Variants in DMD observed in about 807,000 individuals in gnomAD.
DMD encodes the protein dystrophin.
In DMD, 63 loss-of-function variants were observed where a neutral mutation model predicts 330.1. That is an observed-to-expected ratio of 0.19 (90% CI 0.16 to 0.24). The LOEUF (loss-of-function observed/expected upper bound fraction) is 0.24, where lower values mean the gene tolerates loss of function less well. Ranked by LOEUF, DMD falls within the 10% of genes least tolerant of loss-of-function variation. The pLI, the probability that DMD is intolerant of heterozygous loss-of-function variation, is 1.00. For synonymous variants in DMD, 1,223 were observed against 959.8 expected (o/e 1.27, Z -5.07); for missense variants, 3,344 against 2,684.1 (o/e 1.25, Z -5.43).
intron 37 of DMD, among the ~76,000 whole-genome samples, chrX:32,358,388 G>C (rs1008517998): frequency 1.5e-4 from 17 of 111,175 alleles, no homozygotes; most frequent in African/African-American, 5.6e-4. Flanking sequence ...CTAAAACAGA[G>C]ACAGTTGAGA....
rs144866290 is a variant in DMD, at chrX:32,720,903, C to T, written c.650-21610G>A. ...CACCCTCACTACTCCTGGTAATCACCATTCTACTGTCTATGTATTCAACTT... is the reference window on the plus strand; with the variant it reads ...CACCCTCACTACTCCTGGTAATCACTATTCTACTGTCTATGTATTCAACTT... On this transcript the variant is annotated intron_variant, in intron 7 of 78. Transcript: ENST00000357033. Among the ~76,000 whole-genome samples the T allele has an allele frequency of 2.0e-3, 221 of 111,649 alleles. 2 individuals carry two copies. Among genetic ancestry groups the T allele is most frequent in the East Asian group, 0.018 (63 of 3,572 alleles).
chrX:32,820,139 A>G (rs1474568885), intron 5 of DMD, among the ~76,000 whole-genome samples: 1 of 112,265 alleles, frequency 8.9e-6, no homozygotes, highest in Non-Finnish European at 1.9e-5. Context: ...GCGCCTCCAC[A>G]TGCTAATAAT....
chrX:32,859,108 A>G (rs969545025), intron 2 of DMD, among the ~76,000 whole-genome samples: 1 of 111,448 alleles, frequency 9.0e-6, no homozygotes, highest in African/African-American at 3.3e-5. Flanking sequence ...ATATAGATTG[A>G]TTTTTATGTT....
At chrX:32,871,818 G>A (rs770027689) in intron 2 of DMD, among the ~76,000 whole-genome samples, 30 of 111,219 alleles carry the variant, frequency 2.7e-4, no homozygotes, top group Middle Eastern at 4.2e-3. Context: ...TATAGGTTTA[G>A]AAGAATTCCA....
intron 17 of DMD, among the ~76,000 whole-genome samples, chrX:32,521,988 C>G (rs73453747): frequency 6.3e-5 from 7 of 111,575 alleles, no homozygotes; most frequent in African/African-American, 9.8e-5. Flanking sequence ...CAAGTATGAA[C>G]CAGGAAGCCT....
At chrX:32,736,959 G>C (rs1364048066) in intron 7 of DMD, among the ~76,000 whole-genome samples, 1 of 109,936 alleles carries the variant, frequency 9.1e-6, no homozygotes, top group African/African-American at 3.3e-5. Flanking sequence ...AAACCAAAAT[G>C]TTTGTTAAAA....
intron 67 of DMD, among the ~76,000 whole-genome samples, chrX:31,193,156 C>T (rs1435629969): frequency 9.0e-6 from 1 of 111,727 alleles, no homozygotes; most frequent in African/African-American, 3.3e-5. Context: ...AAAAAAGAAA[C>T]AAAACTCTAT....
chrX:32,482,901 T>C (rs1030936662), intron 21 of DMD, among the ~76,000 whole-genome samples: 5 of 108,704 alleles, frequency 4.6e-5, no homozygotes, highest in Non-Finnish European at 9.6e-5. Context: ...CAGGTTTTTG[T>C]GTGAAAAAGC....
intron 44 of DMD, among the ~76,000 whole-genome samples, chrX:32,108,347 A>C (rs1041934448): frequency 7.1e-5 from 8 of 112,254 alleles, no homozygotes; most frequent in African/African-American, 2.6e-4. Context: ...AGCAAAGAAG[A>C]ATCTCATGCT....
intron 20 of DMD, among the ~76,000 whole-genome samples, chrX:32,486,195 C>T (rs971421753): frequency 1.8e-5 from 2 of 111,211 alleles, no homozygotes; most frequent in African/African-American, 6.5e-5. Context: ...CATGTGGCAA[C>T]TGGGCACCTG....
At chrX:32,007,060 G>T (rs1490839059) in intron 44 of DMD, among the ~76,000 whole-genome samples, 1 of 71,151 alleles carries the variant, frequency 1.4e-5, no homozygotes, top group African/African-American at 5.4e-5. Context: ...ACACTCTGGG[G>T]ACTGTTGTGG....
intron 51 of DMD, among the ~76,000 whole-genome samples, chrX:31,742,746 T>C (rs1239850162): frequency 9.0e-6 from 1 of 111,507 alleles, no homozygotes; most frequent in Non-Finnish European, 1.9e-5. Flanking sequence ...AAGAATCCTA[T>C]AAGAAAGCCT....
intron 15 of DMD, among the ~76,000 whole-genome samples, chrX:32,566,408 A>G (rs1395840817): frequency 8.9e-6 from 1 of 112,365 alleles, no homozygotes; most frequent in Non-Finnish European, 1.9e-5. Flanking sequence ...CACAGTTTTA[A>G]CATTCGGTTC....
chrX:32,697,904 G>T lies in DMD; in HGVS notation c.926C>A (p.Thr309Asn). ...YAYTQAAYVTTSDPTRSPFPS... is the reference protein window; with the variant it reads ...YAYTQAAYVTNSDPTRSPFPS... Reference sequence around the variant, plus strand: ...AAATGGGCTCCGTGTAGGGTCAGAGGTGGTGACATAAGCAGCCTGTGTGTA... The same window carrying T: ...AAATGGGCTCCGTGTAGGGTCAGAGTTGGTGACATAAGCAGCCTGTGTGTA... The change falls in exon 9 of 79, where the codon ACC becomes AAC. Residue 309 changes from threonine (T) to asparagine (N), a missense_variant. Transcript: ENST00000357033. 7 of 1,210,359 alleles carry T rather than the reference G, an allele frequency of 5.8e-6. No individual in the cohort carries two copies. Among genetic ancestry groups the T allele is most frequent in the Non-Finnish European group, 7.8e-6 (7 of 894,893 alleles).
intron 47 of DMD, among the ~76,000 whole-genome samples, chrX:31,908,966 C>T (rs972451527): frequency 7.2e-5 from 8 of 111,723 alleles, no homozygotes; most frequent in Non-Finnish European, 1.5e-4. Context: ...GGTGGGGCAC[C>T]GACAGTATCT....
At chrX:31,345,925 C>A (rs763879974) in intron 61 of DMD, among the ~76,000 whole-genome samples, 2 of 111,381 alleles carry the variant, frequency 1.8e-5, no homozygotes, top group South Asian at 7.8e-4. Flanking sequence ...ATGACAAAAA[C>A]ACAGGACCAA....
intron 1 of DMD, among the ~76,000 whole-genome samples, chrX:33,191,006 T>A (rs773188806): frequency 1.6e-3 from 1 of 619 alleles, no homozygotes; most frequent in Non-Finnish European, 5.4e-3. Context: ...TATATAATAT[T>A]ATATATATAT....
intron 2 of DMD, among the ~76,000 whole-genome samples, chrX:32,949,789 TA>T (rs1241216214): frequency 3.6e-5 from 4 of 110,878 alleles, no homozygotes; most frequent in Non-Finnish European, 5.7e-5. Flanking sequence ...CAAACAGTTC[TA>T]AAAAAAATCA....
intron 44 of DMD, among the ~76,000 whole-genome samples, chrX:31,985,316 T>C (rs766352242): frequency 3.6e-5 from 4 of 112,274 alleles, no homozygotes; most frequent in African/African-American, 6.5e-5. Context: ...AGTATCCCCT[T>C]GCCAATTTTA....
Sources: gnomAD v4.1 joint callset for allele counts (sites outside exome capture counted in the v4.1 genomes callset) on GRCh38, gnomAD v4.1.1 for gene constraint, MANE v1.5 for transcripts, NCBI Gene and HGNC (gene_info 2026-07-23, HGNC 2026-07-21) for gene names.